WDR62: variants seen among roughly 807,000 people sequenced by gnomAD.
WDR62 encodes WD repeat domain 62.
WDR62 carries 112 observed loss-of-function variants against 160.6 expected under a neutral mutation model. The ratio of observed to expected loss-of-function variants is 0.70; its 90% CI spans 0.60 to 0.82. The LOEUF (loss-of-function observed/expected upper bound fraction) is 0.82, where lower values mean the gene tolerates loss of function less well. Among genes scored for constraint, WDR62 ranks in the 40% least tolerant of loss-of-function variants. WDR62 has a pLI of 0.00. For synonymous variants in WDR62, 792 were observed against 815.1 expected (o/e 0.97, Z 0.48); for missense variants, 1,819 against 1,983.8 (o/e 0.92, Z 1.58).
At chr19:36,108,155 G>A (rs969023163), downstream of WDR62, among the ~76,000 whole-genome samples, 12 of 152,224 alleles carry the variant, frequency 7.9e-5, no homozygotes, top group Admixed American at 2.0e-4. Flanking sequence ...ACAGGACGGA[G>A]TGAGAATCAA....
At chr19:36,072,762 GT>G (rs1179944447) in intron 8 of WDR62, among the ~76,000 whole-genome samples, 1 of 152,190 alleles carries the variant, frequency 6.6e-6, no homozygotes, top group Non-Finnish European at 1.5e-5. Flanking sequence ...GCTGTCTTCT[GT>G]TGTGCTCTGT....
chr19:36,102,052 G>C lies in WDR62; in HGVS notation c.3121G>C (p.Glu1041Gln). 6.2e-7 allele frequency: 1 copy of C among 1,614,110 alleles called. No homozygotes were observed. The highest frequency in any genetic ancestry group is 8.5e-7 in the Non-Finnish European group (1 of 1,180,020). Residue 1041 changes from glutamate to glutamine, a missense_variant, in exon 26 of 32, where the codon GAG (glutamate) becomes CAG (glutamine). Physicochemically the swap from Glu to Gln is conservative, Grantham distance 29 (BLOSUM62 2). Around this residue, in one of 3 missense-constraint regions of WDR62, gnomAD observed 770 missense variants for 734.2 expected, o/e 1.05. Coordinates refer to ENST00000401500, the MANE Select transcript of WDR62 (RefSeq NM_001083961.2). ...GPTEDELSLP[E>Q]GPSVPSSSLP... The stretch of plus-strand genomic sequence containing the variant: ...CACAGAAGATGAGCTGTCCCTGCCC[G>C]AGGGACCCAGCGTCCCCAGCAGCTC...
chr19:36,055,291 G>A, intron 1 of WDR62, 143 bp downstream of exon 1: 1 of 804,770 alleles, frequency 1.2e-6, no homozygotes, highest in South Asian at 1.6e-5. Context: ...CCTAACCCCC[G>A]CCCCTTTAGC....
chr19:36,071,299 G>A (rs1971283631), intron 7 of WDR62, among the ~76,000 whole-genome samples: 1 of 152,130 alleles, frequency 6.6e-6, no homozygotes, highest in African/African-American at 2.4e-5. Flanking sequence ...TCCATACACA[G>A]CTACGTTTCT....
chr19:36,101,006 A>G, intron 23 of WDR62, 131 bp downstream of exon 23: 2 of 1,460,294 alleles, frequency 1.4e-6, no homozygotes, highest in Non-Finnish European at 1.9e-6. Context: ...TGGATGGGGC[A>G]GGAGCCCAGC....
intron 7 of WDR62, among the ~76,000 whole-genome samples, chr19:36,068,377 T>A (rs76769631): frequency 2.9e-4 from 44 of 152,312 alleles, no homozygotes; most frequent in Admixed American, 9.8e-4. Context: ...TATTTTTTTT[T>A]ATTGATCATT....
downstream of WDR62, among the ~76,000 whole-genome samples, chr19:36,106,592 G>A (rs369589551): frequency 6.6e-6 from 1 of 152,262 alleles, no homozygotes; most frequent in East Asian, 1.9e-4. Flanking sequence ...CTTGATAGAG[G>A]ACATCTCAGG....
intron 12 of WDR62, among the ~76,000 whole-genome samples, chr19:36,085,316 A>G (rs1269331875): frequency 6.7e-6 from 1 of 150,006 alleles, no homozygotes; most frequent in African/African-American, 2.4e-5. Context: ...GGGTTTCACC[A>G]TGTTGGCCAG....
At chr19:36,064,128 G>C (rs774303590) in intron 3 of WDR62, among the ~76,000 whole-genome samples, 1 of 152,314 alleles carries the variant, frequency 6.6e-6, no homozygotes, top group South Asian at 2.1e-4. Flanking sequence ...CAGGCACAAG[G>C]TCAGGGCATG....
chr19:36,110,700 T>G, the WDR62 span, among the ~76,000 whole-genome samples: 1 of 152,144 alleles, frequency 6.6e-6, no homozygotes, highest in Admixed American at 6.5e-5. Context: ...CATTTTGCCC[T>G]GATTTATCCA....
chr19:36,089,366 T>C, intron 15 of WDR62, 60 bp downstream of exon 15: 1 of 1,613,594 alleles, frequency 6.2e-7, no homozygotes, highest in Non-Finnish European at 8.5e-7. Flanking sequence ...GCTGTCTGCT[T>C]TCCTCCCTCT....
intron 9 of WDR62, among the ~76,000 whole-genome samples, chr19:36,079,182 A>G (rs1282818773): frequency 6.6e-6 from 1 of 152,150 alleles, no homozygotes; most frequent in Non-Finnish European, 1.5e-5. Flanking sequence ...CATAGGCACA[A>G]GCAGTTCTCC....
Position 36,086,720 on chromosome 19 carries a change from G to T in WDR62, c.1676G>T (p.Arg559Leu). ...TTGCTGGCCTCAGCCAGTCGGGACC[G>T]GCTGATCCATGTGCTGAACGTGGAG... ...LTLLASASRD[R>L]LIHVLNVEKN... Residue 559 changes from arginine to leucine, a missense_variant, in exon 13 of 32, where the codon CGG (arginine) becomes CTG (leucine). Physicochemically the swap from Arg to Leu is moderately radical, Grantham distance 102. Coordinates refer to ENST00000401500, the MANE Select transcript of WDR62 (RefSeq NM_001083961.2). 6.2e-7 allele frequency: 1 copy of T among 1,605,062 alleles called. No homozygotes were observed. Among genetic ancestry groups the T allele is most frequent in the Non-Finnish European group, 8.5e-7 (1 of 1,175,394 alleles).
chr19:36,067,187 G>C lies in WDR62; in HGVS notation c.562-119G>C, dbSNP rs1450522090. The C allele has an allele frequency of 2.2e-6, 3 of 1,356,008 alleles. No homozygotes were observed. The African/African-American group carries it at 4.3e-5, about 19-fold the overall frequency. The allele number at this position is 1,356,008 out of a possible 1,614,324, so 84.0% of individuals were successfully genotyped here. A position where few individuals can be genotyped will look rare whatever the true frequency, so the allele number is the denominator to read the frequency against. On this transcript the variant is annotated intron_variant, in intron 5 of 31. Transcript: ENST00000401500. ...TTCCCCATACAGCAGCTCCCTGGAG[G>C]GTCCCAGGAAGACAGACTTGGAGTG...
intron 9 of WDR62, chr19:36,074,087 C>T (rs1044509822): frequency 1.5e-5 from 4 of 272,552 alleles, no homozygotes; most frequent in Non-Finnish European, 2.9e-5. Flanking sequence ...TCACTTGAGT[C>T]CAGGAGTTTG....
At chr19:36,108,550 T>G (rs1973751509), downstream of WDR62, among the ~76,000 whole-genome samples, 2 of 142,844 alleles carry the variant, frequency 1.4e-5, no homozygotes. Context: ...CCTGGATGTT[T>G]GCCCAGAGGA....
chr19:36,092,796 G>A lies in WDR62; in HGVS notation c.2318G>A (p.Arg773Gln), dbSNP rs762688861. 1.3e-5 allele frequency: 21 copies of A among 1,613,918 alleles called. No homozygotes were observed. Among genetic ancestry groups the A allele is most frequent in the African/African-American group, 8.0e-5 (6 of 74,928 alleles). Residue 773 changes from arginine to glutamine, a missense_variant, in exon 19 of 32, where the codon CGG becomes CAG. Physicochemically the swap from Arg to Gln is conservative, Grantham distance 43 (BLOSUM62 1). Coordinates refer to ENST00000401500, the MANE Select transcript of WDR62 (RefSeq NM_001083961.2). Reference sequence around the variant, plus strand: ...CAGCAGCACACAAATGACAAGAAGCGGAGTGGCCACCCCAGGTCCTGGCAG... The same window carrying A: ...CAGCAGCACACAAATGACAAGAAGCAGAGTGGCCACCCCAGGTCCTGGCAG... The part of the protein sequence containing the change: ...QQQQHTNDKK[R>Q]SGHPRQDTYV...
At chr19:36,071,470 G>A in intron 7 of WDR62, 86 bp from the exon 8 acceptor site, 1 of 1,507,290 alleles carries the variant, frequency 6.6e-7, no homozygotes, top group Non-Finnish European at 9.2e-7. Flanking sequence ...TTCTCTGGAG[G>A]CCTAAGGCTG....
chr19:36,077,742 C>T (rs1194728824), intron 9 of WDR62, among the ~76,000 whole-genome samples: 1 of 152,004 alleles, frequency 6.6e-6, no homozygotes, highest in African/African-American at 2.4e-5. Flanking sequence ...ATTACAGGCA[C>T]ATGCCACCAT....
Sources: allele counts gnomAD v4.1 joint callset (sites outside exome capture counted in the v4.1 genomes callset), GRCh38; gene constraint gnomAD v4.1.1; regional missense constraint gnomAD v4.1.1; transcripts MANE v1.5; gene names NCBI Gene and HGNC (gene_info 2026-07-23, HGNC 2026-07-21).